Variants in MAP2K5 observed in about 807,000 individuals in gnomAD.
The protein encoded by MAP2K5 is dual specificity mitogen-activated protein kinase kinase 5.
A neutral mutation model predicts 83.1 loss-of-function variants in MAP2K5; 49 were observed. The ratio of observed to expected loss-of-function variants is 0.59; its 90% CI spans 0.47 to 0.75. The LOEUF (loss-of-function observed/expected upper bound fraction) is 0.75. MAP2K5 is among the 30% of genes least tolerant of loss of function. MAP2K5 has a pLI of 0.00. For missense variants in MAP2K5, 457 were observed against 557.5 expected (o/e 0.82, Z 1.82); for synonymous variants, 202 against 191.8 (o/e 1.05, Z -0.44).
rs143724159 is a variant in MAP2K5 at position 67,676,135 on chromosome 15, GTGTT to G, written c.847+11493_847+11496del. ...CAAGATGCCCCCAGTGTGTGGATGA[GTGTT>G]TGATTCACCAAGCCCCGCAGTTAGC... On this transcript the variant is annotated intron_variant, in intron 13 of 21. Coordinates refer to ENST00000178640, the MANE Select transcript of MAP2K5 (RefSeq NM_145160.3). This position sits in a 1 kb window ranked among gnomAD's most constrained non-coding sequence, Gnocchi z 4.8. Among the ~76,000 whole-genome samples, 1,721 of 152,238 alleles carry G rather than the reference GTGTT, an allele frequency of 0.011. 42 individuals carry two copies. The highest frequency in any genetic ancestry group is 0.04 in the African/African-American group (1,666 of 41,526).
chr15:67,689,610 A>G (rs2141197458), intron 13 of MAP2K5, among the ~76,000 whole-genome samples: 1 of 152,360 alleles, frequency 6.6e-6, no homozygotes, highest in East Asian at 1.9e-4. Context: ...TGAGGGGAGA[A>G]TATGGAAAAG....
chr15:67,791,465 T>C (rs1190854936), intron 21 of MAP2K5, among the ~76,000 whole-genome samples: 1 of 152,222 alleles, frequency 6.6e-6, no homozygotes, highest in Admixed American at 6.5e-5. Flanking sequence ...TCCTTGTTTA[T>C]AAAATAGGTT....
intron 8 of MAP2K5, among the ~76,000 whole-genome samples, chr15:67,626,844 G>A (rs2086336794): frequency 6.6e-6 from 1 of 152,232 alleles, no homozygotes; most frequent in Admixed American, 6.5e-5. Context: ...AGGTCACAAT[G>A]AACTAATAAG....
In MAP2K5 at chr15:67,770,719, C is replaced by G. The variant is rs953814086; in HGVS notation, c.1196+1056C>G. Among the ~76,000 whole-genome samples the G allele has an allele frequency of 6.6e-6, 1 of 152,012 alleles. No individual in the cohort carries two copies. Among genetic ancestry groups the G allele is most frequent in the Non-Finnish European group, 1.5e-5 (1 of 68,006 alleles). ...CCTTCCCCTCCCACTATGATCTGTC[C>G]GATGATTATGCTAAAGGGAAACCAA... On this transcript the variant is annotated intron_variant, in intron 20 of 21. Transcript: ENST00000178640. This position sits in a 1 kb window ranked among gnomAD's most constrained non-coding sequence, Gnocchi z 5.0.
rs896891051 is a variant in MAP2K5 at position 67,748,952 on chromosome 15, G to T, written c.1134+351G>T. 1.9e-4 allele frequency among the ~76,000 whole-genome samples: 29 copies of T among 152,184 alleles called. No individual in the cohort carries two copies. Among genetic ancestry groups the T allele is most frequent in the African/African-American group, 6.8e-4 (28 of 41,434 alleles). On this transcript the variant is annotated intron_variant, in intron 19 of 21. Coordinates refer to ENST00000178640, the MANE Select transcript of MAP2K5 (RefSeq NM_145160.3). The surrounding 1 kb of genome is among the most constrained non-coding windows in gnomAD (Gnocchi z 4.0). The stretch of plus-strand genomic sequence containing the variant: ...TGCAACAGTTATTTAAAGTCATTCA[G>T]TAGGCAAGGGTCAGAGTTGAAGAGC...
intron 21 of MAP2K5, among the ~76,000 whole-genome samples, chr15:67,799,111 G>A (rs983311733): frequency 3.3e-5 from 5 of 152,272 alleles, no homozygotes; most frequent in African/African-American, 1.2e-4. Context: ...GGAGGTTGCA[G>A]TGAGCCGAGA....
intron 19 of MAP2K5, among the ~76,000 whole-genome samples, chr15:67,756,470 G>A (rs2089836009): frequency 6.6e-6 from 1 of 150,520 alleles, no homozygotes; most frequent in Non-Finnish European, 1.5e-5. Flanking sequence ...CATTGTGAAA[G>A]GATTACCACA....
chr15:67,608,408 G>T lies in MAP2K5; in HGVS notation c.545+7659G>T, dbSNP rs544887236. 6.6e-5 allele frequency among the ~76,000 whole-genome samples: 10 copies of T among 152,286 alleles called. No homozygotes were observed. In the East Asian group the frequency reaches 1.9e-3, roughly 29 times the overall value. On this transcript the variant is annotated intron_variant, in intron 8 of 21. Coordinates refer to ENST00000178640, the MANE Select transcript of MAP2K5 (RefSeq NM_145160.3). ...TCTGAGCATGTGCTGTGTGGAGGGC[G>T]TGTCAGATGTTGGGGACAGCCTAGC...
rs1387990561 is a variant in MAP2K5, at chr15:67,677,771, A to G, written c.847+13126A>G. Among the ~76,000 whole-genome samples the G allele has an allele frequency of 1.3e-5, 2 of 152,228 alleles. No individual in the cohort carries two copies. The highest frequency in any genetic ancestry group is 2.4e-5 in the African/African-American group (1 of 41,456). On this transcript the variant is annotated intron_variant, in intron 13 of 21. Coordinates refer to ENST00000178640, the MANE Select transcript of MAP2K5 (RefSeq NM_145160.3). The surrounding 1 kb of genome is among the most constrained non-coding windows in gnomAD (Gnocchi z 4.2). ...TAGAAGGAAATCTCTTTTACTTACT[A>G]TGAAAGGATTAAGAGAGGGAGAATT...
rs770802122 is a variant in MAP2K5, at chr15:67,577,225, G to A, written c.253-3529G>A. Among the ~76,000 whole-genome samples, 4 of 152,122 alleles carry A rather than the reference G, an allele frequency of 2.6e-5. No individual in the cohort carries two copies. The highest frequency in any genetic ancestry group is 4.8e-5 in the African/African-American group (2 of 41,412). On this transcript the variant is annotated intron_variant, in intron 3 of 21. Transcript: ENST00000178640. This position sits in a 1 kb window ranked among gnomAD's most constrained non-coding sequence, Gnocchi z 4.1. ...GCTGGGATTACAGGCGTGAGCCACC[G>A]TGCCCGGCCAGTAACCCTATATATT...
At chr15:67,571,352 A>G (rs1170343416) in intron 3 of MAP2K5, among the ~76,000 whole-genome samples, 1 of 152,210 alleles carries the variant, frequency 6.6e-6, no homozygotes, top group Non-Finnish European at 1.5e-5. Flanking sequence ...TTGAGCTTCC[A>G]AAAGAGAAAC....
chr15:67,604,886 A>T (rs1195393332), intron 8 of MAP2K5, among the ~76,000 whole-genome samples: 1 of 151,958 alleles, frequency 6.6e-6, no homozygotes, highest in Non-Finnish European at 1.5e-5. Flanking sequence ...AGAACAAGAA[A>T]AAAAAATTAA....
intron 3 of MAP2K5, among the ~76,000 whole-genome samples, chr15:67,570,629 A>G (rs960634034): frequency 1.4e-4 from 21 of 152,372 alleles, no homozygotes; most frequent in African/African-American, 5.1e-4. Context: ...AATGTAAAGT[A>G]TGAGAAATAA....
rs3784705 is a variant in MAP2K5 at position 67,736,842 on chromosome 15, T to G, written c.1074+8897T>G. On this transcript the variant is annotated intron_variant, in intron 17 of 21. Coordinates refer to ENST00000178640, the MANE Select transcript of MAP2K5 (RefSeq NM_145160.3). This position sits in a 1 kb window ranked among gnomAD's most constrained non-coding sequence, Gnocchi z 4.3. ...TGCGGTCCACTAGGCCTTCCACTTC[T>G]CTCCCTTTGCTTTTATTGATGCAGT... Among the ~76,000 whole-genome samples, 21,623 of 152,232 alleles carry G rather than the reference T, an allele frequency of 0.14. 1,624 individuals are homozygous for G. Among genetic ancestry groups the G allele is most frequent in the East Asian group, 0.23 (1,185 of 5,174 alleles).
intron 13 of MAP2K5, among the ~76,000 whole-genome samples, chr15:67,666,656 G>A (rs778685329): frequency 6.6e-6 from 1 of 152,160 alleles, no homozygotes; most frequent in Non-Finnish European, 1.5e-5. Flanking sequence ...TTTGACTGAT[G>A]GAGAGCATAG....
At chr15:67,615,080 C>A (rs1370153368) in intron 8 of MAP2K5, among the ~76,000 whole-genome samples, 1 of 152,058 alleles carries the variant, frequency 6.6e-6, no homozygotes, top group Non-Finnish European at 1.5e-5. Context: ...TCACTGTAAC[C>A]TCTGCCTGCC....
rs947362561 is a variant in MAP2K5, at chr15:67,562,228, C to G, written c.185-1055C>G. On this transcript the variant is annotated intron_variant, in intron 2 of 21. Coordinates refer to ENST00000178640, the MANE Select transcript of MAP2K5 (RefSeq NM_145160.3). The surrounding 1 kb of genome is among the most constrained non-coding windows in gnomAD (Gnocchi z 4.1). ...TTTACAGTCTACTACATAGGCTGTC[C>G]TCACTGTTGACAAATCTTTATAGAA... Among the ~76,000 whole-genome samples the G allele has an allele frequency of 7.9e-5, 12 of 152,102 alleles. No individual in the cohort carries two copies. The highest frequency in any genetic ancestry group is 2.9e-4 in the African/African-American group (12 of 41,408).
chr15:67,744,879 A>G (rs2089569951), intron 17 of MAP2K5, among the ~76,000 whole-genome samples: 1 of 152,226 alleles, frequency 6.6e-6, no homozygotes, highest in South Asian at 2.1e-4. Context: ...TGTTACTATA[A>G]TAATACCAAG....
intron 13 of MAP2K5, among the ~76,000 whole-genome samples, chr15:67,688,110 A>G (rs2088003318): frequency 6.6e-6 from 1 of 152,230 alleles, no homozygotes. Context: ...AGCCAGGGAC[A>G]ATTTGTGGAA....
Sources: gnomAD v4.1 joint callset for allele counts (sites outside exome capture counted in the v4.1 genomes callset) on GRCh38, gnomAD v4.1.1 for gene constraint, Gnocchi (gnomAD v3.1) non-coding constraint, MANE v1.5 for transcripts, NCBI Gene and HGNC (gene_info 2026-07-23, HGNC 2026-07-21) for gene names.